TRPV4: variants seen among roughly 807,000 people sequenced by gnomAD.
The protein encoded by TRPV4 is transient receptor potential cation channel subfamily V member 4.
A neutral mutation model predicts 84.1 loss-of-function variants in TRPV4; 58 were observed. The ratio of observed to expected loss-of-function variants is 0.69; its 90% CI spans 0.56 to 0.86. The LOEUF (loss-of-function observed/expected upper bound fraction) is 0.86, where lower values mean the gene tolerates loss of function less well. TRPV4 is among the 40% of genes least tolerant of loss of function. TRPV4 has a pLI of 0.00. For synonymous variants in TRPV4, 489 were observed against 500.9 expected (o/e 0.98, Z 0.32); for missense variants, 879 against 1,181.1 (o/e 0.74, Z 3.75).
At chr12:109,820,513 C>CTTTTT (rs1245573219) in intron 1 of TRPV4, among the ~76,000 whole-genome samples, 18 of 106,724 alleles carry the variant, frequency 1.7e-4, no homozygotes, top group South Asian at 5.7e-4. Context: ...CTTCAGCTGC[C>CTTTTT]CTATTTTTTT....
chr12:109,784,708 G>A (rs1053523223), intron 14 of TRPV4, among the ~76,000 whole-genome samples: 1 of 151,714 alleles, frequency 6.6e-6, no homozygotes, highest in Admixed American at 6.6e-5. Context: ...GCGGGGCATG[G>A]TGGCGGGTGC....
chr12:109,799,199 C>T (rs112019176), intron 5 of TRPV4, among the ~76,000 whole-genome samples: 1 of 150,504 alleles, frequency 6.6e-6, no homozygotes, highest in East Asian at 1.9e-4. Flanking sequence ...GTCGCCTAGG[C>T]TGGAGTGCAG....
intron 3 of TRPV4, among the ~76,000 whole-genome samples, chr12:109,808,028 G>C (rs1592852833): frequency 6.6e-6 from 1 of 152,204 alleles, no homozygotes; most frequent in Non-Finnish European, 1.5e-5. Context: ...ACCCAGGTAG[G>C]TGGACTCTGC....
At chr12:109,818,779 C>T (rs1011015785) in intron 1 of TRPV4, among the ~76,000 whole-genome samples, 1 of 152,126 alleles carries the variant, frequency 6.6e-6, no homozygotes, top group African/African-American at 2.4e-5. Context: ...ATTTACCTGT[C>T]CTCCTTACTC....
intron 1 of TRPV4, among the ~76,000 whole-genome samples, chr12:109,825,505 T>C (rs957887132): frequency 1.3e-5 from 2 of 152,134 alleles, no homozygotes; most frequent in African/African-American, 4.8e-5. Context: ...TGGGGGATGA[T>C]GACATTGAGG....
In TRPV4 at chr12:109,792,385, G is replaced by A. The variant is rs1890102256; in HGVS notation, c.1869C>T (p.Leu623=). The part of the protein sequence containing the change: ...DLFRFLLVYL[L]FMIGYASALV... The stretch of plus-strand genomic sequence containing the variant: ...CACCTGAAGCGTAGCCGATCATGAA[G>A]AGCAAGTAGACGAGCAGGAATCGGA... The change falls in exon 12 of 16, where the codon CTC becomes CTT. Residue 623 remains leucine (L), a synonymous_variant. Coordinates refer to ENST00000261740, the MANE Select transcript of TRPV4 (RefSeq NM_021625.5). 4 of 1,613,766 alleles carry A rather than the reference G, an allele frequency of 2.5e-6. No homozygotes were observed. Among genetic ancestry groups the A allele is most frequent in the Non-Finnish European group, 3.4e-6 (4 of 1,179,908 alleles).
chr12:109,823,555 A>G (rs922323541), intron 1 of TRPV4, among the ~76,000 whole-genome samples: 14 of 152,222 alleles, frequency 9.2e-5, no homozygotes, highest in Non-Finnish European at 1.8e-4. Context: ...TTGTAGACAC[A>G]AAAGGCCACA....
chr12:109,789,421 ACT>A (rs1240864603), intron 12 of TRPV4, among the ~76,000 whole-genome samples: 3 of 151,734 alleles, frequency 2.0e-5, no homozygotes, highest in Non-Finnish European at 4.4e-5. Flanking sequence ...GCAGGGGTAG[ACT>A]CTCTCTCTGA....
chr12:109,785,299 C>T (rs183458551), intron 14 of TRPV4, among the ~76,000 whole-genome samples: 22 of 152,228 alleles, frequency 1.4e-4, no homozygotes, highest in East Asian at 5.8e-4. Context: ...ACAGTCACCA[C>T]GCCTGGCCCA....
chr12:109,783,537 TG>T lies in TRPV4; in HGVS notation c.*83del. The T allele has an allele frequency of 1.3e-6, 2 of 1,537,714 alleles. No homozygotes were observed. Among genetic ancestry groups the T allele is most frequent in the African/African-American group, 1.4e-5 (1 of 73,710 alleles). On this transcript the variant is annotated 3_prime_UTR_variant, in exon 16 of 16. Transcript: ENST00000261740. The surrounding 1 kb of genome is among the most constrained non-coding windows in gnomAD (Gnocchi z 4.6). ...TCGCCTCTGGGGCCAAAGCAGGGTG[TG>T]GGGGGACACCCCAGAAGGCACTGCT...
intron 3 of TRPV4, among the ~76,000 whole-genome samples, chr12:109,806,825 C>T (rs1378590872): frequency 4.4e-5 from 6 of 136,288 alleles, no homozygotes; most frequent in Non-Finnish European, 9.1e-5. Flanking sequence ...CACACCACAG[C>T]ATTCCAGCCT....
At chr12:109,799,048 G>T in intron 5 of TRPV4, 136 bp from the exon 6 acceptor site, 1 of 844,094 alleles carries the variant, frequency 1.2e-6, no homozygotes, top group Non-Finnish European at 1.8e-6. Context: ...GATATGAACT[G>T]CACGTTTCTC....
rs1890888589 is a variant in TRPV4 at position 109,802,859 on chromosome 12, C to T, written c.712+132G>A. 1.0e-5 allele frequency: 9 copies of T among 878,184 alleles called. No individual in the cohort carries two copies. In the South Asian group the frequency reaches 1.3e-4, roughly 12 times the overall value. The allele number at this position is 878,184 out of a possible 1,614,324, so 54.4% of individuals were successfully genotyped here. ...CCATGCATCCATCCATCCATCCATC[C>T]ATCCATCCATTTGTCAGGTCCTGGG... On this transcript the variant is annotated intron_variant, in intron 4 of 15. Transcript: ENST00000261740.
At position 109,796,796 on chromosome 12, in the gene TRPV4, A is replaced by T; in HGVS notation, c.1153-92T>A. The T allele has an allele frequency of 7.4e-7, 1 of 1,343,372 alleles. No homozygotes were observed. The highest frequency in any genetic ancestry group is 1.0e-6 in the Non-Finnish European group (1 of 990,710). 83.2% of individuals were successfully genotyped at this position (1,343,372 alleles called of 1,614,324 possible). A position where few individuals can be genotyped will look rare whatever the true frequency, so the allele number is the denominator to read the frequency against. On this transcript the variant is annotated intron_variant, in intron 6 of 15. Coordinates refer to ENST00000261740, the MANE Select transcript of TRPV4 (RefSeq NM_021625.5). The surrounding 1 kb of genome is among the most constrained non-coding windows in gnomAD (Gnocchi z 4.2). ...AGCACATGACGCCTCCCCAGAAAAC[A>T]GCTAAGCACCGGCTGCTGGAGGACC...
Position 109,793,847 on chromosome 12 carries a change from A to G in TRPV4, c.1584+83T>C. ...AGAAGGACCATTTGGAGGAGAGAGAAGAGAAAAAGAGGGAGAGAAAAGAGG... is the reference window on the plus strand; with the variant it reads ...AGAAGGACCATTTGGAGGAGAGAGAGGAGAAAAAGAGGGAGAGAAAAGAGG... On this transcript the variant is annotated intron_variant, in intron 9 of 15. Transcript: ENST00000261740. This position sits in a 1 kb window ranked among gnomAD's most constrained non-coding sequence, Gnocchi z 4.0. 1 of 1,074,022 alleles carries G rather than the reference A, an allele frequency of 9.3e-7. No individual in the cohort carries two copies. Among genetic ancestry groups the G allele is most frequent in the Non-Finnish European group, 1.4e-6 (1 of 708,134 alleles). 66.5% of individuals were successfully genotyped at this position (1,074,022 alleles called of 1,614,324 possible).
intron 7 of TRPV4, 44 bp from the exon 8 acceptor site, chr12:109,794,531 T>TG (rs769359149): frequency 1.2e-5 from 19 of 1,609,850 alleles, no homozygotes; most frequent in Non-Finnish European, 1.4e-5. Flanking sequence ...CTGAGATGGG[T>TG]GGGGGGTCCA....
intron 1 of TRPV4, among the ~76,000 whole-genome samples, chr12:109,829,538 T>G (rs1892354744): frequency 6.6e-6 from 1 of 152,228 alleles, no homozygotes; most frequent in South Asian, 2.1e-4. Context: ...CCACCTGGCA[T>G]GGAGGGGCTC....
chr12:109,820,516 A>ATTTTTTTTT (rs1166251387), intron 1 of TRPV4, among the ~76,000 whole-genome samples: 4 of 92,398 alleles, frequency 4.3e-5, no homozygotes, highest in Non-Finnish European at 5.9e-5. Flanking sequence ...CAGCTGCCCT[A>ATTTTTTTTT]TTTTTTTTTT....
Position 109,783,824 on chromosome 12 carries a change from G to A in TRPV4, c.2459-46C>T. On this transcript the variant is annotated intron_variant, in intron 15 of 15. Transcript: ENST00000261740. This position sits in a 1 kb window ranked among gnomAD's most constrained non-coding sequence, Gnocchi z 4.6. ...AGGGAGGGGTGGGGGTTGGTGGAGA[G>A]AGAGCGTGCGTATATTGAGTGCCTA... is the stretch of plus-strand genomic sequence containing the variant. The A allele has an allele frequency of 6.2e-7, 1 of 1,604,078 alleles. No individual in the cohort carries two copies. The highest frequency in any genetic ancestry group is 8.5e-7 in the Non-Finnish European group (1 of 1,178,434).
Sources: allele counts gnomAD v4.1 joint callset (sites outside exome capture counted in the v4.1 genomes callset), GRCh38; gene constraint gnomAD v4.1.1; non-coding constraint Gnocchi (gnomAD v3.1); transcripts MANE v1.5; gene names NCBI Gene and HGNC (gene_info 2026-07-23, HGNC 2026-07-21).